WAPL: variants seen among roughly 807,000 people sequenced by gnomAD.
WAPL encodes the protein wings apart-like protein homolog.
In WAPL, 5 loss-of-function variants were observed where a neutral mutation model predicts 121.0. That is an observed-to-expected ratio of 0.04 (90% confidence interval 0.02 to 0.09). The LOEUF is 0.09. Ranked by LOEUF, WAPL falls within the 10% of genes least tolerant of loss-of-function variation. The pLI is 1.00. For missense variants in WAPL, 999 were observed against 1,410.8 expected (o/e 0.71, Z 4.68); for synonymous variants, 480 against 481.5 (o/e 1.00, Z 0.04).
intron 4 of WAPL, among the ~76,000 whole-genome samples, chr10:86,492,117 AAT>A (rs1842060519): frequency 6.6e-6 from 1 of 152,230 alleles, no homozygotes; most frequent in Non-Finnish European, 1.5e-5. Context: ...TGCCGTTTTT[AAT>A]ATTCTTTGTG....
intron 2 of WAPL, among the ~76,000 whole-genome samples, chr10:86,508,731 T>C (rs1329431128): frequency 1.3e-5 from 2 of 151,004 alleles, no homozygotes; most frequent in African/African-American, 4.9e-5. Flanking sequence ...TTCTTCCTCT[T>C]CTCCCCCTCC....
chr10:86,439,175 CCT>C (rs1214196635), intron 17 of WAPL, among the ~76,000 whole-genome samples: 1 of 152,154 alleles, frequency 6.6e-6, no homozygotes, highest in African/African-American at 2.4e-5. Context: ...CTACCCACCC[CCT>C]TTTTCCTATT....
rs1589484312 is a variant in WAPL, at chr10:86,437,267, A to T, written c.*276T>A. On this transcript the variant is annotated 3_prime_UTR_variant, in exon 19 of 19. Coordinates refer to ENST00000298767, the MANE Select transcript of WAPL (RefSeq NM_015045.5). Reference sequence around the variant, plus strand: ...AGCAAGAAAACAAGGGGAGGGTATAAACTCTGCCAAAGTAAATGTATTTAA... The same window carrying T: ...AGCAAGAAAACAAGGGGAGGGTATATACTCTGCCAAAGTAAATGTATTTAA... 6 of 343,266 alleles carry T rather than the reference A, an allele frequency of 1.7e-5. No individual in the cohort carries two copies. The East Asian group carries it at 3.6e-4, about 20-fold the overall frequency. 21.3% of individuals were successfully genotyped at this position (343,266 alleles called of 1,614,324 possible).
Position 86,472,664 on chromosome 10 carries a change from T to C in WAPL, c.1841A>G (p.Gln614Arg). The change falls in exon 6 of 19, where the codon CAG becomes CGG. Residue 614 changes from glutamine (Q) to arginine (R), a missense_variant. Physicochemically the swap from Gln to Arg is conservative, Grantham distance 43. This residue lies in a region of WAPL where 74 missense variants were observed against 115.1 expected (regional missense o/e 0.64). Coordinates refer to ENST00000298767, the MANE Select transcript of WAPL (RefSeq NM_015045.5). This position sits in a 1 kb window ranked among gnomAD's most constrained non-coding sequence, Gnocchi z 4.2. ...TGCAGTAACTATATCTTGGTAGGGC[T>C]GAGTAGGTATTGTCACAGTTTTTAT... ...KVIKTVTIPT[Q>R]PYQDIVTALK... The C allele has an allele frequency of 5.6e-6, 9 of 1,613,990 alleles. No homozygotes were observed. In the South Asian group the frequency reaches 8.8e-5, roughly 16 times the overall value.
intron 2 of WAPL, among the ~76,000 whole-genome samples, chr10:86,513,245 G>A (rs1445039778): frequency 5.3e-5 from 8 of 152,072 alleles, no homozygotes; most frequent in African/African-American, 1.2e-4. Flanking sequence ...CGATTCACCC[G>A]CCTCGGCCTC....
At chr10:86,517,407 T>C (rs566001631) in intron 2 of WAPL, among the ~76,000 whole-genome samples, 164 bp downstream of exon 2, 5 of 152,366 alleles carry the variant, frequency 3.3e-5, no homozygotes, top group Non-Finnish European at 5.9e-5. Context: ...AACCTCCAAC[T>C]GGTTTCTTTA....
intron 13 of WAPL, 32 bp from the exon 14 acceptor site, chr10:86,453,367 T>A: frequency 6.3e-7 from 1 of 1,599,948 alleles, no homozygotes; most frequent in Non-Finnish European, 8.6e-7. Context: ...GGAAAATGGT[T>A]ACTGATTCTT....
intron 4 of WAPL, among the ~76,000 whole-genome samples, chr10:86,490,950 C>G (rs535614432): frequency 4.0e-5 from 6 of 151,596 alleles, no homozygotes; most frequent in African/African-American, 1.5e-4. Flanking sequence ...GTAATCCCAG[C>G]TACTCTGGAG....
In WAPL at chr10:86,521,542, C is replaced by G. The variant is rs1842679701; in HGVS notation, c.-200G>C. 1 of 374,886 alleles carries G rather than the reference C, an allele frequency of 2.7e-6. No homozygotes were observed. Among genetic ancestry groups the G allele is most frequent in the African/African-American group, 2.3e-5 (1 of 43,680 alleles). 23.2% of individuals were successfully genotyped at this position (374,886 alleles called of 1,614,324 possible). A position where few individuals can be genotyped will look rare whatever the true frequency, so the allele number is the denominator to read the frequency against. On this transcript the variant is annotated 5_prime_UTR_variant, in exon 1 of 19. Coordinates refer to ENST00000298767, the MANE Select transcript of WAPL (RefSeq NM_015045.5). ...AGCCCGGTTGGGGGGGCAGGAGCGG[C>G]GGCCCCGCAACTTCCCTCCCCGCCT...
chr10:86,480,173 GTCTT>G (rs1044421299), intron 4 of WAPL, among the ~76,000 whole-genome samples: 3 of 152,190 alleles, frequency 2.0e-5, no homozygotes, highest in Non-Finnish European at 4.4e-5. Flanking sequence ...AAGCTGCAAA[GTCTT>G]TCTTCTCTGC....
chr10:86,516,702 CA>C (rs1393940319), intron 2 of WAPL, among the ~76,000 whole-genome samples: 2 of 151,988 alleles, frequency 1.3e-5, no homozygotes, highest in African/African-American at 4.8e-5. Context: ...TTACAGAAGA[CA>C]GAACAAAATA....
Position 86,443,029 on chromosome 10 carries a change from C to T in WAPL, c.3411+246G>A, listed in dbSNP as rs561769243. Among the ~76,000 whole-genome samples, 9 of 120,578 alleles carry T rather than the reference C, an allele frequency of 7.5e-5. No homozygotes were observed. The South Asian group carries it at 1.6e-3, about 21-fold the overall frequency. 79.1% of individuals were successfully genotyped at this position (120,578 alleles called of 152,430 possible). ...CTGCACTCCAGCCTGGGTGACAGAACGAGACTCCGCCTCAAAAAAAAAAAA... is the reference window on the plus strand; with the variant it reads ...CTGCACTCCAGCCTGGGTGACAGAATGAGACTCCGCCTCAAAAAAAAAAAA... On this transcript the variant is annotated intron_variant, in intron 17 of 18. Coordinates refer to ENST00000298767, the MANE Select transcript of WAPL (RefSeq NM_015045.5).
In WAPL at chr10:86,478,662, A is replaced by G. The variant is rs562026898; in HGVS notation, c.1645-4689T>C. Among the ~76,000 whole-genome samples the G allele has an allele frequency of 2.0e-5, 3 of 152,342 alleles. No homozygotes were observed. The South Asian group carries it at 6.2e-4, about 32-fold the overall frequency. On this transcript the variant is annotated intron_variant, in intron 4 of 18. Transcript: ENST00000298767. ...ATTCCATTAAAGCTAAAGAAAAAATATTCCACTGACAAACTGATGGGGCAT... is the reference window on the plus strand; with the variant it reads ...ATTCCATTAAAGCTAAAGAAAAAATGTTCCACTGACAAACTGATGGGGCAT...
chr10:86,488,348 T>C (rs1046678518), intron 4 of WAPL: 1 of 152,316 alleles, frequency 6.6e-6, no homozygotes, highest in South Asian at 2.1e-4. Context: ...CTAAATACCA[T>C]TCTCCATGAA....
At chr10:86,440,937 G>A (rs568868512) in intron 17 of WAPL, among the ~76,000 whole-genome samples, 3 of 150,506 alleles carry the variant, frequency 2.0e-5, no homozygotes, top group African/African-American at 2.4e-5. Flanking sequence ...AAGGAAACGT[G>A]GGGTGGGTAG....
chr10:86,457,344 A>AAAAG (rs1307001138), intron 12 of WAPL, among the ~76,000 whole-genome samples: 4 of 151,090 alleles, frequency 2.6e-5, no homozygotes, highest in Non-Finnish European at 4.4e-5. Context: ...AAAAAAAAAA[A>AAAAG]AGAGAGTGCT....
chr10:86,495,782 A>G (rs1842137668), intron 4 of WAPL, among the ~76,000 whole-genome samples: 2 of 152,164 alleles, frequency 1.3e-5, no homozygotes, highest in Admixed American at 1.3e-4. Context: ...GGATTAACAT[A>G]CTACTACAAC....
intron 4 of WAPL, among the ~76,000 whole-genome samples, chr10:86,492,944 C>T (rs2132214905): frequency 6.6e-6 from 1 of 151,884 alleles, no homozygotes; most frequent in African/African-American, 2.4e-5. Context: ...GCCTATAGTC[C>T]CACCTACTTG....
chr10:86,509,292 G>A (rs1191301557), intron 2 of WAPL, among the ~76,000 whole-genome samples: 1 of 152,126 alleles, frequency 6.6e-6, no homozygotes, highest in Non-Finnish European at 1.5e-5. Flanking sequence ...CCCTATCTCA[G>A]TAAATGACAC....
Sources: allele counts gnomAD v4.1 joint callset (sites outside exome capture counted in the v4.1 genomes callset), GRCh38; gene constraint gnomAD v4.1.1; regional missense constraint gnomAD v4.1.1; non-coding constraint Gnocchi (gnomAD v3.1); transcripts MANE v1.5; gene names NCBI Gene and HGNC (gene_info 2026-07-23, HGNC 2026-07-21).